YTHDC1: variants seen among roughly 807,000 people sequenced by gnomAD.
YTHDC1 encodes the protein YTH domain-containing protein 1.
YTHDC1 carries 12 observed loss-of-function variants against 107.0 expected under a neutral mutation model. The observed-to-expected ratio is 0.11, with a 90% confidence interval of 0.07 to 0.18. The LOEUF (loss-of-function observed/expected upper bound fraction) is 0.18, where lower values mean the gene tolerates loss of function less well. Among genes scored for constraint, YTHDC1 ranks in the 10% least tolerant of loss-of-function variants. YTHDC1 has a pLI of 1.00. For missense variants in YTHDC1, 635 were observed against 898.8 expected (o/e 0.71, Z 3.75); for synonymous variants, 280 against 289.5 (o/e 0.97, Z 0.33).
chr4:68,339,562 C>A (rs1418939536), intron 1 of YTHDC1, among the ~76,000 whole-genome samples: 5 of 152,030 alleles, frequency 3.3e-5, no homozygotes, highest in Non-Finnish European at 7.4e-5. Flanking sequence ...ATTATGTCTA[C>A]AACTTACAAA....
At chr4:68,318,750 G>A in intron 13 of YTHDC1, 21 bp from the exon 14 acceptor site, 1 of 1,614,060 alleles carries the variant, frequency 6.2e-7, no homozygotes, top group Non-Finnish European at 8.5e-7. Flanking sequence ...TAAGATTTGT[G>A]AAACTAAATT....
chr4:68,335,052 C>T (rs2109722369), intron 4 of YTHDC1, among the ~76,000 whole-genome samples: 1 of 152,140 alleles, frequency 6.6e-6, no homozygotes, highest in East Asian at 1.9e-4. Context: ...TGGCCCTCTC[C>T]CCCAACTATT....
rs1243011065 is a variant in YTHDC1 at position 68,311,081 on chromosome 4, GC to G, written c.*3017del. ...CCTCACAGAGGTGACCATAACATGT[GC>G]CTCTCTTGCTTCCCAATGCTGGGAG... On this transcript the variant is annotated 3_prime_UTR_variant, in exon 17 of 17. Coordinates refer to ENST00000344157, the MANE Select transcript of YTHDC1 (RefSeq NM_001031732.4). The G allele has an allele frequency of 6.6e-6, 1 of 152,016 alleles. No individual in the cohort carries two copies. Among genetic ancestry groups the G allele is most frequent in the Non-Finnish European group, 1.5e-5 (1 of 68,006 alleles). The allele number at this position is 152,016 out of a possible 1,614,324, so 9.4% of individuals were successfully genotyped here.
chr4:68,348,760 A>C (rs948983484), intron 1 of YTHDC1, among the ~76,000 whole-genome samples: 3 of 152,146 alleles, frequency 2.0e-5, no homozygotes, highest in Non-Finnish European at 4.4e-5. Context: ...AAAAACCCCA[A>C]ATCAATTAGG....
chr4:68,324,322 T>G (rs1181741817), intron 9 of YTHDC1, 99 bp from the exon 10 acceptor site: 1 of 1,064,942 alleles, frequency 9.4e-7, no homozygotes. Flanking sequence ...GTGACTTAAA[T>G]GTGACTAAAT....
intron 1 of YTHDC1, among the ~76,000 whole-genome samples, chr4:68,346,733 GC>G (rs1418534268): frequency 6.6e-6 from 1 of 152,116 alleles, no homozygotes; most frequent in Non-Finnish European, 1.5e-5. Flanking sequence ...CTTAATAATA[GC>G]CCCAAAGCAC....
chr4:68,342,630 G>C (rs372392831), intron 1 of YTHDC1, among the ~76,000 whole-genome samples: 2 of 152,092 alleles, frequency 1.3e-5, no homozygotes, highest in Non-Finnish European at 2.9e-5. Flanking sequence ...ATTTAAATAG[G>C]TCAATGTTAA....
chr4:68,336,530 C>T (rs1328265141), intron 4 of YTHDC1, among the ~76,000 whole-genome samples: 2 of 152,158 alleles, frequency 1.3e-5, no homozygotes, highest in Non-Finnish European at 2.9e-5. Context: ...GACCCTGTCT[C>T]AGCCAGTCAA....
At chr4:68,331,068 T>A (rs899385355) in intron 7 of YTHDC1, among the ~76,000 whole-genome samples, 7 of 152,140 alleles carry the variant, frequency 4.6e-5, no homozygotes, top group African/African-American at 1.7e-4. Context: ...GTCCCTTATA[T>A]AAAATGGCAC....
At position 68,313,878 on chromosome 4, in the gene YTHDC1, A is replaced by T. The variant is rs1011287778; in HGVS notation, c.*221T>A. 6.8e-6 allele frequency: 4 copies of T among 591,386 alleles called. No individual in the cohort carries two copies. The highest frequency in any genetic ancestry group is 1.2e-5 in the Non-Finnish European group (4 of 334,992). The allele number at this position is 591,386 out of a possible 1,614,324, so 36.6% of individuals were successfully genotyped here. A position where few individuals can be genotyped will look rare whatever the true frequency, so the allele number is the denominator to read the frequency against. On this transcript the variant is annotated 3_prime_UTR_variant, in exon 17 of 17. Coordinates refer to ENST00000344157, the MANE Select transcript of YTHDC1 (RefSeq NM_001031732.4). ...GGACTGTTCCATTCTGCCCCAATAAAAGTGTCAATTCAACTGTCAGCTGTG... is the reference window on the plus strand; with the variant it reads ...GGACTGTTCCATTCTGCCCCAATAATAGTGTCAATTCAACTGTCAGCTGTG...
intron 10 of YTHDC1, 148 bp from the exon 11 acceptor site, chr4:68,323,063 T>G (rs2874107): frequency 4.4e-6 from 3 of 688,188 alleles, no homozygotes; most frequent in Non-Finnish European, 6.9e-6. Flanking sequence ...CTTCCAGATT[T>G]ATAAAACATT....
At chr4:68,331,572 T>G (rs562864673) in intron 7 of YTHDC1, among the ~76,000 whole-genome samples, 3 of 152,238 alleles carry the variant, frequency 2.0e-5, no homozygotes, top group Non-Finnish European at 4.4e-5. Context: ...AGAAAATTAT[T>G]ATCTTACAAC....
intron 9 of YTHDC1, 68 bp from the exon 10 acceptor site, chr4:68,324,291 T>C: frequency 7.3e-7 from 1 of 1,377,382 alleles, no homozygotes; most frequent in Non-Finnish European, 1.0e-6. Flanking sequence ...CTACTTTTAG[T>C]AGTGAATTCC....
In YTHDC1 at chr4:68,337,861, G is replaced by A. The variant is rs747785716; in HGVS notation, c.170C>T (p.Thr57Ile). The A allele has an allele frequency of 1.9e-6, 3 of 1,613,166 alleles. No individual in the cohort carries two copies. Among genetic ancestry groups the A allele is most frequent in the African/African-American group, 2.7e-5 (2 of 74,796 alleles). The change falls in exon 3 of 17, where the codon ACC (threonine) becomes ATC (isoleucine). Residue 57 changes from threonine (T) to isoleucine (I), a missense_variant. Thr to Ile is a moderately conservative substitution (Grantham distance 89). Around this residue, in one of 5 missense-constraint regions of YTHDC1, gnomAD observed 294 missense variants for 312.3 expected, o/e 0.94. Transcript: ENST00000344157. ...ATGGACAGAAGGCTTTTGTCGTTTG[G>A]TATCAGTAGATTCCATTCGATCACT... Reference protein sequence around the residue: ...RKSDRMESTDTKRQKPSVHSR... With the variant: ...RKSDRMESTDIKRQKPSVHSR...
chr4:68,333,214 C>T, intron 5 of YTHDC1, 94 bp downstream of exon 5: 1 of 884,484 alleles, frequency 1.1e-6, no homozygotes, highest in Non-Finnish European at 1.8e-6. Flanking sequence ...TGCTAATGGA[C>T]ATCAACAAGT....
At chr4:68,325,930 T>A (rs1722944244) in intron 9 of YTHDC1, among the ~76,000 whole-genome samples, 1 of 151,856 alleles carries the variant, frequency 6.6e-6, no homozygotes, top group Non-Finnish European at 1.5e-5. Flanking sequence ...AAATACTGAA[T>A]TTTTTTTCCC....
intron 1 of YTHDC1, among the ~76,000 whole-genome samples, chr4:68,348,371 A>C (rs1725678569): frequency 6.6e-6 from 1 of 151,136 alleles, no homozygotes; most frequent in South Asian, 2.1e-4. Flanking sequence ...AATACTTACT[A>C]ATTAAGATCA....
At chr4:68,338,088 C>G (rs947869186) in intron 2 of YTHDC1, 188 bp from the exon 3 acceptor site, 5 of 944,798 alleles carry the variant, frequency 5.3e-6, no homozygotes, top group African/African-American at 1.8e-5. Context: ...GGGAATAAAA[C>G]CATATATTTG....
intron 9 of YTHDC1, among the ~76,000 whole-genome samples, chr4:68,326,165 A>G (rs372759338): frequency 6.6e-6 from 1 of 152,200 alleles, no homozygotes; most frequent in Non-Finnish European, 1.5e-5. Context: ...TTTAAATATC[A>G]GCAATTAAAT....
Sources: allele counts gnomAD v4.1 joint callset (sites outside exome capture counted in the v4.1 genomes callset), GRCh38; gene constraint gnomAD v4.1.1; regional missense constraint gnomAD v4.1.1; transcripts MANE v1.5; gene names NCBI Gene and HGNC (gene_info 2026-07-23, HGNC 2026-07-21).